SKAP2: variants seen among roughly 807,000 people sequenced by gnomAD.
SKAP2 encodes src kinase-associated phosphoprotein 2.
In SKAP2, 28 loss-of-function variants were observed where a neutral mutation model predicts 54.9. The observed-to-expected ratio is 0.51, with a 90% confidence interval of 0.38 to 0.70. The LOEUF is 0.70. Among genes scored for constraint, SKAP2 ranks in the 30% least tolerant of loss-of-function variants. SKAP2 has a pLI of 0.00. For synonymous variants in SKAP2, 137 were observed against 134.3 expected, an observed-to-expected ratio of 1.02 and a Z score of -0.14; for missense variants, 356 against 424.1, an observed-to-expected ratio of 0.84 and a Z score of 1.41.
intron 3 of SKAP2, among the ~76,000 whole-genome samples, chr7:26,851,057 A>G (rs906762634): frequency 6.6e-6 from 1 of 151,964 alleles, no homozygotes; most frequent in African/African-American, 2.4e-5. Context: ...TGGAAATACC[A>G]AAAAAATCTC....
At chr7:26,724,640 C>A (rs1051230881) in intron 9 of SKAP2, among the ~76,000 whole-genome samples, 2 of 152,020 alleles carry the variant, frequency 1.3e-5, no homozygotes, top group African/African-American at 4.8e-5. Context: ...CTTATGATAC[C>A]TTTTTCTTCT....
At chr7:26,733,778 T>A (rs988269386) in intron 6 of SKAP2, among the ~76,000 whole-genome samples, 1 of 152,144 alleles carries the variant, frequency 6.6e-6, no homozygotes, top group African/African-American at 2.4e-5. Context: ...GATATTACAA[T>A]GAAAAAATTA....
chr7:26,846,285 T>A (rs1023414648), intron 3 of SKAP2, among the ~76,000 whole-genome samples: 8 of 152,068 alleles, frequency 5.3e-5, no homozygotes, highest in African/African-American at 1.9e-4. Flanking sequence ...AACCAAATAA[T>A]ATATAGCAAA....
At chr7:26,851,596 T>TA (rs1377498603) in intron 3 of SKAP2, among the ~76,000 whole-genome samples, 1 of 151,800 alleles carries the variant, frequency 6.6e-6, no homozygotes, top group Non-Finnish European at 1.5e-5. Context: ...GGGATAGCAT[T>TA]AGGAGATATA....
At chr7:26,715,665 G>C (rs1277416694) in intron 9 of SKAP2, among the ~76,000 whole-genome samples, 1 of 152,072 alleles carries the variant, frequency 6.6e-6, no homozygotes, top group Non-Finnish European at 1.5e-5. Flanking sequence ...TATAATCCCA[G>C]CTATTCGGAA....
intron 4 of SKAP2, among the ~76,000 whole-genome samples, chr7:26,834,885 A>T (rs1484225704): frequency 6.6e-6 from 1 of 152,218 alleles, no homozygotes; most frequent in Non-Finnish European, 1.5e-5. Flanking sequence ...TGGCAGGGAC[A>T]CAACAAAAAA....
chr7:26,772,014 T>C (rs771473974), intron 4 of SKAP2, among the ~76,000 whole-genome samples: 1 of 152,202 alleles, frequency 6.6e-6, no homozygotes, highest in African/African-American at 2.4e-5. Context: ...GTTAAATAAA[T>C]AATGGTTATT....
chr7:26,689,639 C>G (rs994398529), intron 10 of SKAP2, among the ~76,000 whole-genome samples: 2 of 152,160 alleles, frequency 1.3e-5, no homozygotes, highest in Non-Finnish European at 2.9e-5. Context: ...GCATTTCTTA[C>G]CCAATTCATT....
At chr7:26,829,258 C>G (rs561163031) in intron 4 of SKAP2, among the ~76,000 whole-genome samples, 1 of 152,222 alleles carries the variant, frequency 6.6e-6, no homozygotes, top group Non-Finnish European at 1.5e-5. Context: ...TGGCTCATGC[C>G]TGTGCTCAAC....
At chr7:26,677,322 G>T (rs1786371870) in intron 11 of SKAP2, among the ~76,000 whole-genome samples, 1 of 151,084 alleles carries the variant, frequency 6.6e-6, no homozygotes. Context: ...AACCCGGGAG[G>T]CAGAGGTTGC....
At chr7:26,833,343 C>G (rs1465930706) in intron 4 of SKAP2, among the ~76,000 whole-genome samples, 1 of 148,910 alleles carries the variant, frequency 6.7e-6, no homozygotes. Flanking sequence ...TTGCAGTGAG[C>G]TGAGATCGCG....
intron 9 of SKAP2, among the ~76,000 whole-genome samples, chr7:26,720,611 A>G (rs1011231317): frequency 1.3e-5 from 2 of 152,196 alleles, no homozygotes; most frequent in African/African-American, 4.8e-5. Flanking sequence ...TTTATAAAGG[A>G]AAGAGGTTTA....
intron 9 of SKAP2, among the ~76,000 whole-genome samples, chr7:26,714,725 T>C (rs553542973): frequency 3.3e-5 from 5 of 152,382 alleles, no homozygotes; most frequent in African/African-American, 7.2e-5. Context: ...TCTGTCTCTA[T>C]AGATGTATGT....
At chr7:26,671,598 G>A (rs543442343) in intron 11 of SKAP2, among the ~76,000 whole-genome samples, 1 of 152,128 alleles carries the variant, frequency 6.6e-6, no homozygotes, top group Admixed American at 6.5e-5. Flanking sequence ...GAACAAAGTG[G>A]AGGGGGAGAG....
At chr7:26,839,646 A>C (rs1309209967) in intron 4 of SKAP2, among the ~76,000 whole-genome samples, 4 of 152,042 alleles carry the variant, frequency 2.6e-5, no homozygotes, top group Non-Finnish European at 4.4e-5. Context: ...CTAAATGCTA[A>C]GTTATTGAAA....
At chr7:26,662,117 C>G (rs1302438417), downstream of SKAP2, among the ~76,000 whole-genome samples, 1 of 152,068 alleles carries the variant, frequency 6.6e-6, no homozygotes, top group African/African-American at 2.4e-5. Flanking sequence ...GAAAAGAGTC[C>G]TTACTCCTAA....
At chr7:26,738,502 C>T (rs1782353126) in intron 6 of SKAP2, among the ~76,000 whole-genome samples, 2 of 152,128 alleles carry the variant, frequency 1.3e-5, no homozygotes, top group African/African-American at 4.8e-5. Context: ...AGAAATTCTA[C>T]AACAGTAGGC....
intron 4 of SKAP2, among the ~76,000 whole-genome samples, chr7:26,742,747 AT>A (rs1782480720): frequency 6.6e-6 from 1 of 152,160 alleles, no homozygotes; most frequent in Non-Finnish European, 1.5e-5. Context: ...AAGTACACTA[AT>A]AGCAATCCCT....
chr7:26,821,856 C>A (rs1784390225), intron 4 of SKAP2, among the ~76,000 whole-genome samples: 1 of 152,136 alleles, frequency 6.6e-6, no homozygotes, highest in Non-Finnish European at 1.5e-5. Context: ...GCCTGAGTTC[C>A]CCAGAAGTAT....
Sources: gnomAD v4.1 joint callset for allele counts (sites outside exome capture counted in the v4.1 genomes callset) on GRCh38, gnomAD v4.1.1 for gene constraint, MANE v1.5 for transcripts, NCBI Gene and HGNC (gene_info 2026-07-23, HGNC 2026-07-21) for gene names.